TMEM238L: variants seen among roughly 807,000 people sequenced by gnomAD.
TMEM238L encodes transmembrane protein 238-like.
chr17:10,799,908 T>G (rs996632997), intron 1 of TMEM238L, among the ~76,000 whole-genome samples: 7 of 151,836 alleles, frequency 4.6e-5, no homozygotes, highest in Non-Finnish European at 1.0e-4. Flanking sequence ...CAGAACACAG[T>G]TTGAAACCTC....
At chr17:10,797,277 G>C (rs911137151) in intron 1 of TMEM238L, among the ~76,000 whole-genome samples, 1 of 152,102 alleles carries the variant, frequency 6.6e-6, no homozygotes, top group Non-Finnish European at 1.5e-5. Flanking sequence ...CTTGTTGATA[G>C]GGTGAAATGG....
chr17:10,803,012 T>G (rs546709533), intron 1 of TMEM238L, among the ~76,000 whole-genome samples: 1 of 152,102 alleles, frequency 6.6e-6, no homozygotes, highest in African/African-American at 2.4e-5. Flanking sequence ...GTGGGAATAC[T>G]GCAGAGAGAG....
At chr17:10,803,320 C>T (rs555557453) in intron 1 of TMEM238L, among the ~76,000 whole-genome samples, 1 of 152,292 alleles carries the variant, frequency 6.6e-6, no homozygotes, top group African/African-American at 2.4e-5. Flanking sequence ...GGGATAACTT[C>T]CCATTGTGCC....
chr17:10,803,281 G>T (rs1181169734), intron 1 of TMEM238L, among the ~76,000 whole-genome samples: 1 of 152,184 alleles, frequency 6.6e-6, no homozygotes, highest in Non-Finnish European at 1.5e-5. Flanking sequence ...TGCAGATGGG[G>T]TCTTTTTGTC....
chr17:10,799,790 T>G (rs919676250), intron 1 of TMEM238L, among the ~76,000 whole-genome samples: 1 of 152,168 alleles, frequency 6.6e-6, no homozygotes, highest in African/African-American at 2.4e-5. Flanking sequence ...TGCTGAGAGC[T>G]CCACTGTTCT....
chr17:10,800,671 G>A lies in TMEM238L; in HGVS notation c.*118+2935C>T, dbSNP rs541513179. On this transcript the variant is annotated intron_variant, in intron 1 of 1. Coordinates refer to ENST00000581851, the Ensembl canonical transcript of TMEM238L. ...CTAATCTGGGCAACATCTTTATGAC[G>A]TAGTGGCTATTATTAGCACCATCTC... is the stretch of plus-strand genomic sequence containing the variant. 3.3e-5 allele frequency among the ~76,000 whole-genome samples: 5 copies of A among 152,270 alleles called. No homozygotes were observed. In the South Asian group the frequency reaches 8.3e-4, roughly 25 times the overall value.
exon 1 of TMEM238L, chr17:10,803,707 C>T (rs1014430955): frequency 2.5e-6 from 1 of 399,138 alleles, no homozygotes; most frequent in African/African-American, 2.1e-5. Flanking sequence ...GTCTCTTCTC[C>T]TCTTCCCATG....
At chr17:10,802,103 C>T (rs928970615) in intron 1 of TMEM238L, among the ~76,000 whole-genome samples, 3 of 152,074 alleles carry the variant, frequency 2.0e-5, no homozygotes, top group African/African-American at 7.2e-5. Context: ...ATTTCTTATC[C>T]CCAGTGTCTT....
exon 1 of TMEM238L, chr17:10,803,770 C>G (rs1904817083): frequency 2.5e-6 from 1 of 399,504 alleles, no homozygotes; most frequent in African/African-American, 2.1e-5. Context: ...GAGGGAATAC[C>G]AGATGATCCA....
intron 1 of TMEM238L, among the ~76,000 whole-genome samples, chr17:10,799,794 C>A (rs941505418): frequency 6.6e-6 from 1 of 152,228 alleles, no homozygotes; most frequent in African/African-American, 2.4e-5. Flanking sequence ...GAGAGCTCCA[C>A]TGTTCTGGGT....
chr17:10,799,995 G>A (rs931644567), intron 1 of TMEM238L, among the ~76,000 whole-genome samples: 1 of 151,158 alleles, frequency 6.6e-6, no homozygotes, highest in African/African-American at 2.4e-5. Context: ...GCAGTGGCGT[G>A]ATCTCGGCTC....
chr17:10,803,248 C>T (rs1904800097), intron 1 of TMEM238L, among the ~76,000 whole-genome samples: 1 of 152,164 alleles, frequency 6.6e-6, no homozygotes, highest in East Asian at 1.9e-4. Context: ...TTCTCCCCAG[C>T]AGAGATTCTT....
exon 1 of TMEM238L, chr17:10,804,008 A>T (rs1431783661): frequency 1.3e-5 from 5 of 399,814 alleles, no homozygotes; most frequent in Non-Finnish European, 2.2e-5. Flanking sequence ...CCCGGGGGTG[A>T]TTTGCATGGG....
exon 1 of TMEM238L, chr17:10,803,662 C>T (rs1218915821): frequency 5.0e-6 from 2 of 398,204 alleles, no homozygotes; most frequent in African/African-American, 4.1e-5. Context: ...CCCAAGAGCC[C>T]CAGGTTCACA....
chr17:10,796,122 A>G (rs186187039), intron 1 of TMEM238L, among the ~76,000 whole-genome samples, 174 bp from the exon 2 acceptor site: 3 of 152,250 alleles, frequency 2.0e-5, no homozygotes, highest in Non-Finnish European at 2.9e-5. Context: ...ACCACATGAG[A>G]CTCAGCTTCC....
At chr17:10,800,086 C>T (rs905877042) in intron 1 of TMEM238L, among the ~76,000 whole-genome samples, 2 of 152,152 alleles carry the variant, frequency 1.3e-5, no homozygotes, top group African/African-American at 4.8e-5. Context: ...CACCCGCCAC[C>T]ATGCCCGGCT....
intron 1 of TMEM238L, among the ~76,000 whole-genome samples, chr17:10,799,353 A>G (rs1361922398): frequency 2.0e-5 from 3 of 152,164 alleles, no homozygotes; most frequent in Admixed American, 1.3e-4. Context: ...ACATGCCACA[A>G]TGCCTGGCTA....
Position 10,796,980 on chromosome 17 carries a change from A to G in TMEM238L, c.*119-1032T>C, listed in dbSNP as rs1333718279. On this transcript the variant is annotated intron_variant, in intron 1 of 1. Transcript: ENST00000581851. ...CCTGCCACTATAACATGAAACAGCC[A>G]TAGATAATATGAGAGTGAACGAGCC... 4.6e-5 allele frequency among the ~76,000 whole-genome samples: 7 copies of G among 152,224 alleles called. No homozygotes were observed. In the East Asian group the frequency reaches 1.3e-3, roughly 29 times the overall value.
intron 1 of TMEM238L, among the ~76,000 whole-genome samples, chr17:10,796,749 T>C (rs79954475): frequency 0.047 from 7,097 of 152,292 alleles, 407 homozygotes; most frequent in African/African-American, 0.14. Context: ...CTCTTCCTTA[T>C]TATTACTGGG....
Sources: allele counts gnomAD v4.1 joint callset (sites outside exome capture counted in the v4.1 genomes callset), GRCh38; gene constraint gnomAD v4.1.1; transcripts MANE v1.5; gene names NCBI Gene and HGNC (gene_info 2026-07-23, HGNC 2026-07-21).